Variants in SMOC2 observed in about 807,000 individuals in gnomAD.
The protein encoded by SMOC2 is SPARC-related modular calcium-binding protein 2.
A neutral mutation model predicts 61.4 loss-of-function variants in SMOC2; 39 were observed. The observed-to-expected ratio is 0.64, with a 90% confidence interval of 0.49 to 0.83. The LOEUF (loss-of-function observed/expected upper bound fraction) is 0.83, where lower values mean the gene tolerates loss of function less well. Among genes scored for constraint, SMOC2 ranks in the 40% least tolerant of loss-of-function variants. SMOC2 has a pLI of 0.00. For synonymous variants in SMOC2, 247 were observed against 239.9 expected, an observed-to-expected ratio of 1.03 and a Z score of -0.27; for missense variants, 556 against 592.9, an observed-to-expected ratio of 0.94 and a Z score of 0.65.
chr6:168,514,701 A>G (rs933800621), intron 2 of SMOC2, among the ~76,000 whole-genome samples: 3 of 145,526 alleles, frequency 2.1e-5, no homozygotes, highest in African/African-American at 7.7e-5. Context: ...CAAGCGCTGT[A>G]GAAGTGGGGA....
intron 1 of SMOC2, among the ~76,000 whole-genome samples, chr6:168,464,015 T>TC (rs1375711618): frequency 6.6e-6 from 1 of 151,804 alleles, no homozygotes; most frequent in Non-Finnish European, 1.5e-5. Context: ...ACATGGTGAA[T>TC]CCCCGTCTCT....
At position 168,535,563 on chromosome 6, in the gene SMOC2, T is replaced by A. The variant is rs1016444564; in HGVS notation, c.463+7836T>A. The stretch of plus-strand genomic sequence containing the variant: ...CCTCAAATCAGGAATCCCAACTGTT[T>A]AAAGGCAGAATCACTAGGATAGAAA... On this transcript the variant is annotated intron_variant, in intron 4 of 12. Transcript: ENST00000356284. This position sits in a 1 kb window ranked among gnomAD's most constrained non-coding sequence, Gnocchi z 4.6. Among the ~76,000 whole-genome samples, 2 of 152,128 alleles carry A rather than the reference T, an allele frequency of 1.3e-5. No homozygotes were observed. The highest frequency in any genetic ancestry group is 4.1e-4 in the South Asian group (2 of 4,822).
At chr6:168,599,488 C>T (rs1785454331) in intron 8 of SMOC2, among the ~76,000 whole-genome samples, 1 of 126,514 alleles carries the variant, frequency 7.9e-6, no homozygotes, top group Non-Finnish European at 1.6e-5. Flanking sequence ...CACAATCATA[C>T]CCCACACACC....
At chr6:168,564,282 C>T (rs1784493077) in intron 7 of SMOC2, among the ~76,000 whole-genome samples, 1 of 152,012 alleles carries the variant, frequency 6.6e-6, no homozygotes, top group African/African-American at 2.4e-5. Flanking sequence ...TGGGGTTCTT[C>T]AAAGAAGAGT....
chr6:168,610,735 C>T (rs749870751), intron 9 of SMOC2, among the ~76,000 whole-genome samples: 51 of 152,266 alleles, frequency 3.3e-4, no homozygotes, highest in Non-Finnish European at 5.4e-4. Flanking sequence ...TGGCAGCAAA[C>T]GATCATTGAG....
chr6:168,582,836 G>A (rs943593993), intron 7 of SMOC2, among the ~76,000 whole-genome samples: 8 of 152,284 alleles, frequency 5.3e-5, no homozygotes, highest in African/African-American at 7.2e-5. Flanking sequence ...GGGAAGACCC[G>A]GGGGCCGAGG....
chr6:168,656,501 T>G (rs1369502245), intron 11 of SMOC2, among the ~76,000 whole-genome samples: 4 of 115,056 alleles, frequency 3.5e-5, no homozygotes, highest in Non-Finnish European at 7.3e-5. Flanking sequence ...AAGCAAGACT[T>G]TGTGTTAAAA....
intron 6 of SMOC2, 117 bp from the exon 7 acceptor site, chr6:168,549,012 A>G (rs1177664165): frequency 1.5e-5 from 11 of 744,458 alleles, no homozygotes; most frequent in Non-Finnish European, 2.7e-5. Context: ...ACAAATGTAC[A>G]ATGTGTGTTA....
At position 168,554,108 on chromosome 6, in the gene SMOC2, G is replaced by A. The variant is rs146557606; in HGVS notation, c.637+4905G>A. On this transcript the variant is annotated intron_variant, in intron 7 of 12. Coordinates refer to ENST00000356284, the MANE Select transcript of SMOC2 (RefSeq NM_001166412.2). Reference sequence around the variant, plus strand: ...GGAGGATTATTCCATGGGACGAGTCGGTTAAAACTCACCTTTGAACTGCGT... The same window carrying A: ...GGAGGATTATTCCATGGGACGAGTCAGTTAAAACTCACCTTTGAACTGCGT... Among the ~76,000 whole-genome samples, 110 of 152,042 alleles carry A rather than the reference G, an allele frequency of 7.2e-4. 3 individuals are homozygous for A. The East Asian group carries it at 0.019, about 27-fold the overall frequency.
In SMOC2 at chr6:168,501,475, C is replaced by G. The variant is rs189735055; in HGVS notation, c.85-8440C>G. 7.1e-3 allele frequency among the ~76,000 whole-genome samples: 1,075 copies of G among 151,424 alleles called. 18 individuals are homozygous for G. The highest frequency in any genetic ancestry group is 0.025 in the African/African-American group (1,018 of 41,168). ...ATGGGGCCAGGAACCTGCATCGTCC[C>G]TCCCTCGCCACGGGGCCAGGAACCT... On this transcript the variant is annotated intron_variant, in intron 1 of 12. Transcript: ENST00000356284.
chr6:168,611,720 G>C (rs1002083493), intron 9 of SMOC2, among the ~76,000 whole-genome samples: 2 of 150,336 alleles, frequency 1.3e-5, no homozygotes, highest in East Asian at 2.0e-4. Flanking sequence ...CGTGGCTCCC[G>C]TGTCGGGCCT....
chr6:168,547,048 C>T (rs201342726), intron 5 of SMOC2, 71 bp from the exon 6 acceptor site: 48 of 1,579,004 alleles, frequency 3.0e-5, no homozygotes, highest in East Asian at 4.5e-5. Flanking sequence ...AGCATCCACC[C>T]GTATGCACAC....
chr6:168,551,423 T>TTTTATTTA (rs147825097), intron 7 of SMOC2, among the ~76,000 whole-genome samples: 165 of 146,878 alleles, frequency 1.1e-3, no homozygotes, highest in Non-Finnish European at 1.5e-3. Flanking sequence ...ATATACTTTA[T>TTTTATTTA]TTTATTTATT....
At chr6:168,511,234 A>C (rs1783000188) in intron 2 of SMOC2, among the ~76,000 whole-genome samples, 1 of 152,220 alleles carries the variant, frequency 6.6e-6, no homozygotes, top group Non-Finnish European at 1.5e-5. Context: ...TCACACTGCT[A>C]ATAAAGACAT....
At chr6:168,557,225 T>G (rs1423743670) in intron 7 of SMOC2, among the ~76,000 whole-genome samples, 1 of 152,200 alleles carries the variant, frequency 6.6e-6, no homozygotes, top group African/African-American at 2.4e-5. Context: ...ATTAGATTTG[T>G]AAGTTATTAA....
rs867686974 is a variant in SMOC2 at position 168,477,287 on chromosome 6, C to T, written c.85-32628C>T. Among the ~76,000 whole-genome samples the T allele has an allele frequency of 1.4e-4, 21 of 152,304 alleles. No individual in the cohort carries two copies. In the Middle Eastern group the frequency reaches 0.014, roughly 99 times the overall value. ...GGACTGCACATTTGAGATCAGCAAC[C>T]GCAACCTCATGCCCACACTGGCTGG... On this transcript the variant is annotated intron_variant, in intron 1 of 12. Coordinates refer to ENST00000356284, the MANE Select transcript of SMOC2 (RefSeq NM_001166412.2).
Position 168,608,184 on chromosome 6 carries a change from G to C in SMOC2, c.852G>C (p.Thr284=), listed in dbSNP as rs137949063. Residue 284 remains threonine (T), a synonymous_variant, in exon 9 of 13, where the codon ACG becomes ACC. Transcript: ENST00000356284. ...ACGAGCAGCCGAAATGTGACAACAC[G>C]GCCAGGGCCCACCCAGCCAAAGCCC... ...TRYEQPKCDN[T]ARAHPAKARD... The C allele has an allele frequency of 6.1e-5, 99 of 1,613,634 alleles. No homozygotes were observed. In the African/African-American group the frequency reaches 1.2e-3, roughly 19 times the overall value.
chr6:168,495,384 T>A (rs1395183389), intron 1 of SMOC2, among the ~76,000 whole-genome samples: 2 of 152,164 alleles, frequency 1.3e-5, no homozygotes, highest in Non-Finnish European at 2.9e-5. Flanking sequence ...TGTCCGCGGC[T>A]CCCGGTGCCC....
chr6:168,453,828 GTC>G lies in SMOC2; in HGVS notation c.84+12380_84+12381del, dbSNP rs1224632572. ...CCATCTCTGTCCTCTATCTCTCTCC[GTC>G]TCTCTGTTTGTCTCTCATTCTTTCT... is the stretch of plus-strand genomic sequence containing the variant. On this transcript the variant is annotated intron_variant, in intron 1 of 12. Transcript: ENST00000356284. The surrounding 1 kb of genome is among the most constrained non-coding windows in gnomAD (Gnocchi z 4.4). Among the ~76,000 whole-genome samples, 4 of 146,168 alleles carry G rather than the reference GTC, an allele frequency of 2.7e-5. No individual in the cohort carries two copies. The highest frequency in any genetic ancestry group is 4.1e-4 in the East Asian group (2 of 4,860).
Sources: gnomAD v4.1 joint callset for allele counts (sites outside exome capture counted in the v4.1 genomes callset) on GRCh38, gnomAD v4.1.1 for gene constraint, Gnocchi (gnomAD v3.1) non-coding constraint, MANE v1.5 for transcripts, NCBI Gene and HGNC (gene_info 2026-07-23, HGNC 2026-07-21) for gene names.